The following PCSK5 variants were observed in gnomAD, a reference collection of about 807,000 sequenced individuals.
The protein encoded by PCSK5 is proprotein convertase subtilisin/kexin type 5.
Under a neutral mutation model 233.2 loss-of-function variants are expected in PCSK5, and 129 were observed. The observed-to-expected ratio is 0.55, with a 90% CI of 0.48 to 0.64. PCSK5 has a LOEUF of 0.64. PCSK5 is among the 30% of genes least tolerant of loss of function. PCSK5 has a pLI of 0.00. For synonymous variants in PCSK5, 825 were observed against 879.2 expected (o/e 0.94, Z 1.09); for missense variants, 2,076 against 2,430.1 (o/e 0.85, Z 3.06).
chr9:76,278,483 T>C (rs1827759452), intron 24 of PCSK5, among the ~76,000 whole-genome samples: 1 of 151,074 alleles, frequency 6.6e-6, no homozygotes, highest in Non-Finnish European at 1.5e-5. Context: ...GATGCTGTTT[T>C]CAAATACATG....
At chr9:76,126,964 TAAC>T (rs921126659) in intron 9 of PCSK5, among the ~76,000 whole-genome samples, 11 of 152,184 alleles carry the variant, frequency 7.2e-5, no homozygotes, top group African/African-American at 2.7e-4. Flanking sequence ...ATGGGCATAA[TAAC>T]ATTTACTTCA....
intron 15 of PCSK5, among the ~76,000 whole-genome samples, chr9:76,181,063 T>G (rs1047971126): frequency 6.6e-5 from 10 of 152,272 alleles, no homozygotes; most frequent in Admixed American, 6.5e-4. Context: ...GGGACCTTTT[T>G]GAATAGAGTT....
intron 32 of PCSK5, among the ~76,000 whole-genome samples, chr9:76,323,743 AGT>A (rs1323029041): frequency 6.6e-6 from 1 of 152,212 alleles, no homozygotes; most frequent in East Asian, 1.9e-4. Context: ...AACTTTTATT[AGT>A]GACAAATCAC....
intron 20 of PCSK5, among the ~76,000 whole-genome samples, chr9:76,211,679 T>A (rs1825333267): frequency 6.6e-6 from 1 of 152,200 alleles, no homozygotes; most frequent in Non-Finnish European, 1.5e-5. Context: ...GGAAATGCTA[T>A]GTCTACAAAA....
intron 2 of PCSK5, among the ~76,000 whole-genome samples, chr9:75,976,793 A>G: frequency 6.6e-6 from 1 of 152,022 alleles, no homozygotes; most frequent in Admixed American, 6.5e-5. Flanking sequence ...TTAAAATTCA[A>G]ATGTTTAATC....
chr9:76,256,192 T>C (rs1214114394), intron 24 of PCSK5, among the ~76,000 whole-genome samples: 2 of 152,218 alleles, frequency 1.3e-5, no homozygotes, highest in Non-Finnish European at 2.9e-5. Flanking sequence ...GAGAAGAACA[T>C]AGTGGCGAGG....
At chr9:76,171,793 G>A (rs1449895762) in intron 13 of PCSK5, among the ~76,000 whole-genome samples, 2 of 152,166 alleles carry the variant, frequency 1.3e-5, no homozygotes, top group African/African-American at 2.4e-5. Flanking sequence ...TACGCCAGAC[G>A]AGAGATACCC....
intron 8 of PCSK5, among the ~76,000 whole-genome samples, chr9:76,098,450 C>T (rs1386553752): frequency 6.6e-6 from 1 of 152,196 alleles, no homozygotes; most frequent in Admixed American, 6.5e-5. Context: ...TATCCCTTTG[C>T]TTTTAAATAA....
chr9:76,351,591 G>A lies in PCSK5; in HGVS notation c.5067+663G>A, dbSNP rs13295859. Among the ~76,000 whole-genome samples, 54 of 61,098 alleles carry A rather than the reference G, an allele frequency of 8.8e-4. 3 individuals carry two copies. Among genetic ancestry groups the A allele is most frequent in the African/African-American group, 1.9e-3 (52 of 26,964 alleles). The allele number at this position is 61,098 out of a possible 152,430, so 40.1% of individuals were successfully genotyped here. A position where few individuals can be genotyped will look rare whatever the true frequency, so the allele number is the denominator to read the frequency against. On this transcript the variant is annotated intron_variant, in intron 36 of 37. Coordinates refer to ENST00000674117, the MANE Select transcript of PCSK5 (RefSeq NM_001372043.1). ...AGGAAGGGAAGGGAGGAAGGAGAGA[G>A]AGAAAGAAAGAGAAGAAAGAAAAAG...
At chr9:76,313,937 G>C (rs1434535410) in intron 30 of PCSK5, among the ~76,000 whole-genome samples, 2 of 152,144 alleles carry the variant, frequency 1.3e-5, no homozygotes, top group African/African-American at 4.8e-5. Flanking sequence ...AGCAAACTCA[G>C]CCAAGTGTTA....
intron 22 of PCSK5, among the ~76,000 whole-genome samples, chr9:76,237,488 C>A (rs550087224): frequency 6.6e-6 from 1 of 152,032 alleles, no homozygotes; most frequent in African/African-American, 2.4e-5. Context: ...GCATTTCAGG[C>A]GAGGCACAGT....
chr9:76,092,517 C>T (rs1311790203), intron 7 of PCSK5, among the ~76,000 whole-genome samples: 1 of 152,194 alleles, frequency 6.6e-6, no homozygotes, highest in Non-Finnish European at 1.5e-5. Flanking sequence ...CTCACCCCAG[C>T]CTCCCCAGAA....
chr9:76,273,569 AT>A lies in PCSK5; in HGVS notation c.3143-18663del. Among the ~76,000 whole-genome samples the A allele has an allele frequency of 3.8e-5, 2 of 52,726 alleles. 1 individual carries two copies. Among genetic ancestry groups the A allele is most frequent in the Middle Eastern group, 0.018 (2 of 112 alleles). 34.6% of individuals were successfully genotyped at this position (52,726 alleles called of 152,430 possible). A position where few individuals can be genotyped will look rare whatever the true frequency, so the allele number is the denominator to read the frequency against. On this transcript the variant is annotated intron_variant, in intron 24 of 37. Transcript: ENST00000674117. Reference sequence around the variant, plus strand: ...TTATAGATTAACAAAATAGTAATATATATATACATATATATATATATATATA... The same window carrying A: ...TTATAGATTAACAAAATAGTAATATAATATACATATATATATATATATATA...
chr9:75,981,433 T>C (rs1417710974), intron 2 of PCSK5, among the ~76,000 whole-genome samples: 1 of 152,262 alleles, frequency 6.6e-6, no homozygotes. Flanking sequence ...TTTTATTACT[T>C]TACCCAATTT....
At chr9:75,948,397 G>A (rs1824683866) in intron 2 of PCSK5, among the ~76,000 whole-genome samples, 1 of 145,716 alleles carries the variant, frequency 6.9e-6, no homozygotes, top group Admixed American at 7.3e-5. Flanking sequence ...ACCTATGAGT[G>A]AGAATGTGCG....
chr9:76,088,084 A>G (rs940122594), intron 7 of PCSK5, among the ~76,000 whole-genome samples: 6 of 152,238 alleles, frequency 3.9e-5, no homozygotes, highest in African/African-American at 1.2e-4. Context: ...TCTGGAAGCC[A>G]GTCTGAGGAT....
At position 76,063,136 on chromosome 9, in the gene PCSK5, CT is replaced by C. The variant is rs112528508; in HGVS notation, c.633-4809del. Among the ~76,000 whole-genome samples the C allele has an allele frequency of 8.9e-5, 13 of 146,410 alleles. No individual in the cohort carries two copies. The East Asian group carries it at 1.0e-3, about 11-fold the overall frequency. The stretch of plus-strand genomic sequence containing the variant: ...GAATGTCAGGATTTAATTTTTTTTT[CT>C]TTTTTTTTTCTTTTTGAGACAGGGT... On this transcript the variant is annotated intron_variant, in intron 5 of 37. Transcript: ENST00000674117.
At chr9:76,240,782 T>C (rs1221761825) in intron 24 of PCSK5, 98 bp downstream of exon 24, 1 of 815,210 alleles carries the variant, frequency 1.2e-6, no homozygotes, top group African/African-American at 1.7e-5. Flanking sequence ...CTCTTGTCAT[T>C]GCTGTCAGCC....
At chr9:75,926,143 A>G (rs76573513) in intron 1 of PCSK5, among the ~76,000 whole-genome samples, 16,568 of 151,644 alleles carry the variant, frequency 0.11, 1,386 homozygotes, top group African/African-American at 0.23. Context: ...TCTTTCATTC[A>G]TTGTTTCATT....
Sources: gnomAD v4.1 joint callset for allele counts (sites outside exome capture counted in the v4.1 genomes callset) on GRCh38, gnomAD v4.1.1 for gene constraint, MANE v1.5 for transcripts, NCBI Gene and HGNC (gene_info 2026-07-23, HGNC 2026-07-21) for gene names.